The following LYPD6 variants were observed in gnomAD, a reference collection of about 807,000 sequenced individuals.
The protein encoded by LYPD6 is ly6/PLAUR domain-containing protein 6.
A neutral mutation model predicts 22.7 loss-of-function variants in LYPD6; 15 were observed. The observed-to-expected ratio is 0.66, with a 90% confidence interval of 0.44 to 1.02. The LOEUF (loss-of-function observed/expected upper bound fraction) is 1.02. Among genes scored for constraint, LYPD6 ranks in the 50% least tolerant of loss-of-function variants. The pLI is 0.00. For missense variants in LYPD6, 189 were observed against 208.4 expected, an observed-to-expected ratio of 0.91 and a Z score of 0.57; for synonymous variants, 72 against 77.5, an observed-to-expected ratio of 0.93 and a Z score of 0.37.
chr2:149,357,888 C>T (rs1014287515), intron 1 of LYPD6, among the ~76,000 whole-genome samples: 12 of 151,132 alleles, frequency 7.9e-5, no homozygotes, highest in Non-Finnish European at 1.3e-4. Context: ...CAGGTTCAAG[C>T]GATTCTTCTG....
At chr2:149,426,225 GTAATTACAGCTCT>G (rs1205798902) in intron 1 of LYPD6, among the ~76,000 whole-genome samples, 1 of 152,164 alleles carries the variant, frequency 6.6e-6, no homozygotes, top group East Asian at 1.9e-4. Flanking sequence ...TACCAGATTA[GTAATTACAGCTCT>G]TTCTTGAACT....
At chr2:149,369,000 AGATGAGCAGT>A (rs1342039087) in intron 1 of LYPD6, among the ~76,000 whole-genome samples, 1 of 152,130 alleles carries the variant, frequency 6.6e-6, no homozygotes, top group African/African-American at 2.4e-5. Context: ...ATCTGAGCAG[AGATGAGCAGT>A]GTTTCAGGGT....
intron 3 of LYPD6, among the ~76,000 whole-genome samples, chr2:149,461,008 G>T (rs1681076026): frequency 6.6e-6 from 1 of 151,960 alleles, no homozygotes; most frequent in African/African-American, 2.4e-5. Flanking sequence ...AGCACTATAT[G>T]CACATATTTA....
At chr2:149,330,109 T>G (rs1013298735), upstream of LYPD6, 17 of 152,006 alleles carry the variant, frequency 1.1e-4, no homozygotes, top group African/African-American at 3.9e-4. Context: ...GCCAGGGTCA[T>G]TTCACACTGC....
downstream of LYPD6, among the ~76,000 whole-genome samples, chr2:149,475,608 G>A (rs1025724215): frequency 1.3e-4 from 19 of 151,936 alleles, no homozygotes; most frequent in African/African-American, 4.4e-4. Flanking sequence ...TATTATCTTT[G>A]ACAAATTTTA....
At chr2:149,351,038 A>G (rs752154862) in intron 1 of LYPD6, among the ~76,000 whole-genome samples, 4 of 152,208 alleles carry the variant, frequency 2.6e-5, no homozygotes, top group African/African-American at 4.8e-5. Flanking sequence ...AAGCAGAATG[A>G]CATTAGATGA....
At chr2:149,360,816 T>C (rs926228928) in intron 1 of LYPD6, among the ~76,000 whole-genome samples, 3 of 152,144 alleles carry the variant, frequency 2.0e-5, no homozygotes, top group Admixed American at 2.0e-4. Flanking sequence ...GATGTCCCTT[T>C]TCAACATTTT....
intron 3 of LYPD6, among the ~76,000 whole-genome samples, chr2:149,452,336 G>A (rs1407354413): frequency 6.6e-6 from 1 of 152,168 alleles, no homozygotes; most frequent in African/African-American, 2.4e-5. Context: ...TATTTCCCAC[G>A]AGTCTTCTGC....
intron 2 of LYPD6, among the ~76,000 whole-genome samples, chr2:149,441,998 G>A (rs141850236): frequency 2.6e-4 from 40 of 152,272 alleles, no homozygotes; most frequent in Non-Finnish European, 4.6e-4. Context: ...ACTATACTAC[G>A]TAAGTCTTAG....
At chr2:149,377,615 A>G (rs1172563270) in intron 1 of LYPD6, among the ~76,000 whole-genome samples, 1 of 152,196 alleles carries the variant, frequency 6.6e-6, no homozygotes, top group Non-Finnish European at 1.5e-5. Context: ...CCCCGCCTCT[A>G]CTACAAATAC....
chr2:149,402,432 A>C (rs550134173), intron 1 of LYPD6, among the ~76,000 whole-genome samples: 8 of 152,182 alleles, frequency 5.3e-5, no homozygotes, highest in African/African-American at 1.9e-4. Context: ...CAAATGGTAG[A>C]TCTATTTTTA....
chr2:149,396,949 T>C (rs1157555350), intron 1 of LYPD6, among the ~76,000 whole-genome samples: 1 of 152,230 alleles, frequency 6.6e-6, no homozygotes, highest in African/African-American at 2.4e-5. Flanking sequence ...AAATGGCTTA[T>C]TATTTGCATA....
At chr2:149,482,596 C>T in the LYPD6 span, among the ~76,000 whole-genome samples, 1 of 152,174 alleles carries the variant, frequency 6.6e-6, no homozygotes, top group Non-Finnish European at 1.5e-5. Context: ...ATATATCATT[C>T]TAGCCAGTCC....
intron 1 of LYPD6, among the ~76,000 whole-genome samples, chr2:149,403,600 T>G: frequency 6.8e-6 from 1 of 146,294 alleles, no homozygotes; most frequent in African/African-American, 2.6e-5. Context: ...TCTTGTAAAT[T>G]TGTTTGAGTT....
intron 1 of LYPD6, among the ~76,000 whole-genome samples, chr2:149,411,889 T>A (rs1263252791): frequency 2.0e-5 from 3 of 152,212 alleles, no homozygotes; most frequent in Non-Finnish European, 2.9e-5. Flanking sequence ...TATTTATGCA[T>A]TTGCTTTTTA....
intron 1 of LYPD6, among the ~76,000 whole-genome samples, chr2:149,394,449 A>G (rs1446287144): frequency 6.6e-6 from 1 of 152,222 alleles, no homozygotes; most frequent in Non-Finnish European, 1.5e-5. Context: ...AAAGCCCACC[A>G]ACTTGGCATC....
At chr2:149,349,901 C>T (rs1159444038) in intron 1 of LYPD6, among the ~76,000 whole-genome samples, 1 of 152,050 alleles carries the variant, frequency 6.6e-6, no homozygotes, top group Non-Finnish European at 1.5e-5. Context: ...TAGCAACTTT[C>T]TCTTGTTCTT....
intron 1 of LYPD6, among the ~76,000 whole-genome samples, chr2:149,396,053 C>T (rs1682422441): frequency 6.6e-6 from 1 of 152,126 alleles, no homozygotes. Context: ...AATGAGATTG[C>T]TCTGTAGTTT....
chr2:149,476,441 A>G (rs1268736613), downstream of LYPD6, among the ~76,000 whole-genome samples: 1 of 152,206 alleles, frequency 6.6e-6, no homozygotes, highest in African/African-American at 2.4e-5. Flanking sequence ...CTCGGGGTTT[A>G]TGGCATGTCC....
Sources: gnomAD v4.1 joint callset for allele counts (sites outside exome capture counted in the v4.1 genomes callset) on GRCh38, gnomAD v4.1.1 for gene constraint, MANE v1.5 for transcripts, NCBI Gene and HGNC (gene_info 2026-07-23, HGNC 2026-07-21) for gene names.